The following NKAIN2 variants were observed in gnomAD, a reference collection of about 807,000 sequenced individuals.
NKAIN2 encodes sodium/potassium transporting ATPase interacting 2, also known as sodium/potassium-transporting ATPase subunit beta-1-interacting protein 2.
A neutral mutation model predicts 32.6 loss-of-function variants in NKAIN2; 14 were observed. That is an observed-to-expected ratio of 0.43 (90% CI 0.28 to 0.67). NKAIN2 has a LOEUF of 0.67. Ranked by LOEUF, NKAIN2 falls within the 30% of genes least tolerant of loss-of-function variation. The pLI is 0.17. For synonymous variants in NKAIN2, 80 were observed against 87.2 expected (o/e 0.92, Z 0.46); for missense variants, 198 against 258.3 (o/e 0.77, Z 1.60).
intron 1 of NKAIN2, among the ~76,000 whole-genome samples, chr6:124,178,299 CTTT>C (rs71021481): frequency 7.9e-5 from 11 of 139,096 alleles, no homozygotes; most frequent in Non-Finnish European, 9.5e-5. Context: ...CGTACATTAA[CTTT>C]TTTTTTTTTT....
intron 1 of NKAIN2, among the ~76,000 whole-genome samples, chr6:124,077,488 A>G (rs1375180118): frequency 6.6e-6 from 1 of 152,164 alleles, no homozygotes; most frequent in Non-Finnish European, 1.5e-5. Context: ...GGCGACATCT[A>G]CTTGATTCTC....
chr6:124,055,776 A>G (rs1450357974), intron 1 of NKAIN2, among the ~76,000 whole-genome samples: 1 of 152,066 alleles, frequency 6.6e-6, no homozygotes, highest in African/African-American at 2.4e-5. Context: ...AGTTGCAGAA[A>G]TTAACAAAAA....
chr6:124,071,713 TATATGA>T (rs1295357668), intron 1 of NKAIN2, among the ~76,000 whole-genome samples: 3 of 151,860 alleles, frequency 2.0e-5, no homozygotes, highest in Admixed American at 2.0e-4. Context: ...GGCCAACAAA[TATATGA>T]AAAAATGCTC....
intron 1 of NKAIN2, among the ~76,000 whole-genome samples, chr6:123,874,576 C>A (rs1185190192): frequency 6.6e-6 from 1 of 151,976 alleles, no homozygotes; most frequent in East Asian, 1.9e-4. Flanking sequence ...TGAAATAATT[C>A]CTTAGAAAAC....
chr6:124,745,238 A>G (rs576186612), intron 4 of NKAIN2, among the ~76,000 whole-genome samples: 1 of 152,024 alleles, frequency 6.6e-6, no homozygotes, highest in Admixed American at 6.6e-5. Flanking sequence ...ATATTCTAAC[A>G]TATTTGAAGT....
intron 4 of NKAIN2, among the ~76,000 whole-genome samples, chr6:124,713,058 A>G (rs1454874521): frequency 6.6e-6 from 1 of 152,146 alleles, no homozygotes; most frequent in Non-Finnish European, 1.5e-5. Context: ...ATGACAGAGT[A>G]AACATTTAAA....
At chr6:124,358,440 G>A (rs1799098775) in intron 3 of NKAIN2, among the ~76,000 whole-genome samples, 1 of 152,020 alleles carries the variant, frequency 6.6e-6, no homozygotes, top group Non-Finnish European at 1.5e-5. Context: ...AGCACCTGTT[G>A]TTTCCTGACT....
chr6:124,020,606 TTG>T (rs1780819757), intron 1 of NKAIN2, among the ~76,000 whole-genome samples: 1 of 151,176 alleles, frequency 6.6e-6, no homozygotes, highest in African/African-American at 2.5e-5. Context: ...CTAAAGCATA[TTG>T]TGTTTGATGC....
intron 1 of NKAIN2, among the ~76,000 whole-genome samples, chr6:124,053,969 T>C (rs1782526007): frequency 6.6e-6 from 1 of 151,956 alleles, no homozygotes; most frequent in African/African-American, 2.4e-5. Context: ...AGTCTATGAG[T>C]ATAAGGAAGG....
intron 2 of NKAIN2, among the ~76,000 whole-genome samples, chr6:124,304,462 A>G (rs989189132): frequency 1.3e-5 from 2 of 152,218 alleles, no homozygotes; most frequent in African/African-American, 4.8e-5. Flanking sequence ...ATATAAAATG[A>G]GTGCAGAAAA....
At chr6:123,965,364 A>G (rs1041761200) in intron 1 of NKAIN2, among the ~76,000 whole-genome samples, 7 of 152,192 alleles carry the variant, frequency 4.6e-5, no homozygotes, top group Non-Finnish European at 1.0e-4. Context: ...GAGCATTTAG[A>G]GATCAAGTTT....
At chr6:124,754,087 T>G (rs1435783791) in intron 4 of NKAIN2, among the ~76,000 whole-genome samples, 1 of 152,134 alleles carries the variant, frequency 6.6e-6, no homozygotes, top group Non-Finnish European at 1.5e-5. Context: ...GTTGAATCCC[T>G]TCTGCATTGC....
chr6:124,774,358 C>T (rs1354049389), intron 4 of NKAIN2, among the ~76,000 whole-genome samples: 2 of 152,084 alleles, frequency 1.3e-5, no homozygotes, highest in Non-Finnish European at 2.9e-5. Context: ...AAGGATGAGT[C>T]CACAAGCTTG....
chr6:124,320,551 C>A (rs1439333074), intron 2 of NKAIN2, among the ~76,000 whole-genome samples: 1 of 152,138 alleles, frequency 6.6e-6, no homozygotes, highest in Non-Finnish European at 1.5e-5. Flanking sequence ...TATTCATTTC[C>A]TTGTCCATCT....
intron 1 of NKAIN2, among the ~76,000 whole-genome samples, chr6:123,852,995 C>T (rs1201140979): frequency 6.6e-6 from 1 of 152,132 alleles, no homozygotes; most frequent in African/African-American, 2.4e-5. Context: ...GTGTGATAGC[C>T]CCAAGCATTC....
At position 124,079,754 on chromosome 6, in the gene NKAIN2, T is replaced by A. The variant is rs149450237; in HGVS notation, c.55-203251T>A. Among the ~76,000 whole-genome samples the A allele has an allele frequency of 1.7e-3, 258 of 152,284 alleles. 1 individual carries two copies. Among genetic ancestry groups the A allele is most frequent in the Middle Eastern group, 6.8e-3 (2 of 294 alleles). The stretch of plus-strand genomic sequence containing the variant: ...AGTTTAAAACTTCTTGTTCTGGGCA[T>A]GCCATTTATTTTGCTAAGCCTGTAG... On this transcript the variant is annotated intron_variant, in intron 1 of 6. Transcript: ENST00000368417.
intron 1 of NKAIN2, among the ~76,000 whole-genome samples, chr6:123,810,445 T>C (rs1163916303): frequency 6.6e-6 from 1 of 152,116 alleles, no homozygotes; most frequent in African/African-American, 2.4e-5. Flanking sequence ...ACTTAGGTAA[T>C]CTTGGGGTTT....
intron 3 of NKAIN2, among the ~76,000 whole-genome samples, chr6:124,486,831 C>G (rs1293752127): frequency 6.6e-6 from 1 of 152,044 alleles, no homozygotes; most frequent in Non-Finnish European, 1.5e-5. Context: ...AACCTCTGCT[C>G]TGCCCGTTCC....
At chr6:124,489,317 T>C (rs1777771091) in intron 3 of NKAIN2, among the ~76,000 whole-genome samples, 1 of 151,936 alleles carries the variant, frequency 6.6e-6, no homozygotes, top group Admixed American at 6.6e-5. Context: ...TCAACAACTA[T>C]TTTCACTGTT....
Sources: gnomAD v4.1 joint callset for allele counts (sites outside exome capture counted in the v4.1 genomes callset) on GRCh38, gnomAD v4.1.1 for gene constraint, MANE v1.5 for transcripts, NCBI Gene and HGNC (gene_info 2026-07-23, HGNC 2026-07-21) for gene names.